Variants in NSG1 observed in about 807,000 individuals in gnomAD.
NSG1 encodes neuronal vesicle trafficking associated 1.
In NSG1, 9 loss-of-function variants were observed where a neutral mutation model predicts 19.3. The ratio of observed to expected loss-of-function variants is 0.47; its 90% CI spans 0.28 to 0.81. The LOEUF is 0.81. Ranked by LOEUF, NSG1 falls within the 40% of genes least tolerant of loss-of-function variation. The probability of loss-of-function intolerance (pLI) is 0.11; values close to 1 mark genes in which losing one functional copy is unlikely to be tolerated. For missense variants in NSG1, 236 were observed against 242.4 expected (o/e 0.97, Z 0.18); for synonymous variants, 104 against 107.0 (o/e 0.97, Z 0.17).
At chr4:4,391,172 C>T (rs1289485026) in intron 2 of NSG1, among the ~76,000 whole-genome samples, 1 of 152,228 alleles carries the variant, frequency 6.6e-6, no homozygotes, top group Non-Finnish European at 1.5e-5. Flanking sequence ...GGTTAGGAGT[C>T]AGCTGCCAGG....
chr4:4,387,517 GGACGCCGGTGGGTGT>G (rs1374170818), intron 1 of NSG1, 72 bp from the exon 2 acceptor site: 2 of 903,276 alleles, frequency 2.2e-6, no homozygotes, highest in African/African-American at 1.7e-5. Flanking sequence ...GCGGACGCCG[GGACGCCGGTGGGTGT>G]GGGTGCCCAC....
At chr4:4,394,254 T>G (rs143425376) in intron 3 of NSG1, among the ~76,000 whole-genome samples, 9 of 152,252 alleles carry the variant, frequency 5.9e-5, no homozygotes, top group Non-Finnish European at 1.2e-4. Flanking sequence ...TTTTCCTTTG[T>G]TGATTCAAAA....
chr4:4,407,993 C>G (rs999477109), intron 3 of NSG1, among the ~76,000 whole-genome samples: 1 of 152,122 alleles, frequency 6.6e-6, no homozygotes, highest in African/African-American at 2.4e-5. Context: ...GGTGACCATG[C>G]TGCACGGCTG....
chr4:4,394,464 G>C (rs1486211312), intron 3 of NSG1, among the ~76,000 whole-genome samples: 3 of 152,118 alleles, frequency 2.0e-5, no homozygotes, highest in Non-Finnish European at 2.9e-5. Context: ...GGGTTGGGCT[G>C]TCTTCTCTTT....
intron 3 of NSG1, among the ~76,000 whole-genome samples, chr4:4,393,724 G>A (rs1723109249): frequency 6.6e-6 from 1 of 152,180 alleles, no homozygotes; most frequent in South Asian, 2.1e-4. Flanking sequence ...TGAGTCCCAG[G>A]TGGTCCCAGG....
intron 2 of NSG1, 64 bp downstream of exon 2, chr4:4,387,822 C>G: frequency 7.0e-7 from 1 of 1,419,834 alleles, no homozygotes; most frequent in Non-Finnish European, 9.8e-7. Context: ...ACGGCGGGCG[C>G]AACAAAAGAA....
At chr4:4,413,352 G>T (rs779864344) in intron 4 of NSG1, among the ~76,000 whole-genome samples, 2 of 151,698 alleles carry the variant, frequency 1.3e-5, no homozygotes, top group Non-Finnish European at 2.9e-5. Context: ...GGTCTTGGGG[G>T]AGTGTGCCCA....
intron 3 of NSG1, among the ~76,000 whole-genome samples, chr4:4,404,829 G>A (rs188504742): frequency 5.3e-5 from 8 of 152,300 alleles, no homozygotes; most frequent in Admixed American, 4.6e-4. Flanking sequence ...CACGATTGGT[G>A]TCCCGATAGA....
chr4:4,393,545 C>T (rs913304453), intron 3 of NSG1, among the ~76,000 whole-genome samples: 7 of 152,242 alleles, frequency 4.6e-5, no homozygotes, highest in Non-Finnish European at 1.0e-4. Context: ...CTCCCTGCCT[C>T]TACCTCCTGT....
intron 3 of NSG1, among the ~76,000 whole-genome samples, chr4:4,406,764 G>A (rs1243987590): frequency 6.6e-6 from 1 of 152,198 alleles, no homozygotes; most frequent in Non-Finnish European, 1.5e-5. Context: ...CCAGGTGCCA[G>A]ACTCCCGGCC....
chr4:4,416,021 A>T lies in NSG1; in HGVS notation c.358-1214A>T, dbSNP rs6816274. On this transcript the variant is annotated intron_variant, in intron 4 of 4. Transcript: ENST00000621129. ...GCTGTTGATAAAAGGGCTGTACTTC[A>T]GTGGTGTCTTTTGGCTTTCTTTTCT... The T allele has an allele frequency of 8.6e-6, 6 of 693,986 alleles. No homozygotes were observed. The African/African-American group carries it at 1.1e-4, about 12-fold the overall frequency. 43.0% of individuals were successfully genotyped at this position (693,986 alleles called of 1,614,324 possible).
chr4:4,387,789 G>A (rs369385877), intron 2 of NSG1, 31 bp downstream of exon 2: 1 of 1,561,202 alleles, frequency 6.4e-7, no homozygotes, highest in Non-Finnish European at 8.8e-7. Context: ...CCACGTTGCC[G>A]GGTGTGCACC....
intron 4 of NSG1, among the ~76,000 whole-genome samples, chr4:4,415,583 T>G (rs968660545): frequency 1.3e-5 from 2 of 151,882 alleles, no homozygotes; most frequent in African/African-American, 4.8e-5. Flanking sequence ...GGCACCAAGG[T>G]GCCTCCCCAG....
chr4:4,417,109 G>A, intron 4 of NSG1, 126 bp from the exon 5 acceptor site: 1 of 750,438 alleles, frequency 1.3e-6, no homozygotes, highest in Non-Finnish European at 2.3e-6. Context: ...GCCCGTTTTT[G>A]CTCATCACTG....
intron 3 of NSG1, among the ~76,000 whole-genome samples, chr4:4,406,090 C>T (rs533444775): frequency 4.6e-5 from 7 of 152,256 alleles, no homozygotes; most frequent in East Asian, 1.9e-4. Context: ...TGCAGTGGCG[C>T]GATCTTGGCT....
intron 4 of NSG1, among the ~76,000 whole-genome samples, chr4:4,409,909 C>A (rs1724079296): frequency 6.6e-6 from 1 of 152,230 alleles, no homozygotes; most frequent in African/African-American, 2.4e-5. Context: ...CCGGACTTGG[C>A]CCCTGGGAGC....
At chr4:4,392,422 C>G (rs1006322786) in intron 3 of NSG1, among the ~76,000 whole-genome samples, 1 of 152,176 alleles carries the variant, frequency 6.6e-6, no homozygotes, top group African/African-American at 2.4e-5. Context: ...CTGTCTGGCT[C>G]TCTGGTCACC....
In NSG1 at chr4:4,391,605, T is replaced by A; in HGVS notation, c.246+14T>A. The A allele has an allele frequency of 6.5e-7, 1 of 1,548,466 alleles. No homozygotes were observed. Among genetic ancestry groups the A allele is most frequent in the Non-Finnish European group, 8.8e-7 (1 of 1,132,264 alleles). ...GAGAGGTTTAAGGTGAGTGGTCCTG[T>A]GCTGGGTGAGATGCTGCTTTTGCCC... On this transcript the variant is annotated intron_variant, in intron 3 of 4. Coordinates refer to ENST00000621129, the MANE Select transcript of NSG1 (RefSeq NM_014392.5).
chr4:4,414,960 AC>A (rs200703928), intron 4 of NSG1, among the ~76,000 whole-genome samples: 3,982 of 147,982 alleles, frequency 0.027, 127 homozygotes, highest in African/African-American at 0.076. Context: ...TTAAAAAAAA[AC>A]AACAACAACA....
Sources: gnomAD v4.1 joint callset for allele counts (sites outside exome capture counted in the v4.1 genomes callset) on GRCh38, gnomAD v4.1.1 for gene constraint, MANE v1.5 for transcripts, NCBI Gene and HGNC (gene_info 2026-07-23, HGNC 2026-07-21) for gene names.